PSME4: variants seen among roughly 807,000 people sequenced by gnomAD.
PSME4 encodes proteasome activator complex subunit 4.
In PSME4, 89 loss-of-function variants were observed where a neutral mutation model predicts 253.9. The ratio of observed to expected loss-of-function variants is 0.35; its 90% CI spans 0.30 to 0.42. PSME4 has a LOEUF of 0.42. Among genes scored for constraint, PSME4 ranks in the 10% least tolerant of loss-of-function variants. PSME4 has a pLI of 1.00. For synonymous variants in PSME4, 851 were observed against 759.2 expected, an observed-to-expected ratio of 1.12 and a Z score of -1.99; for missense variants, 2,014 against 2,195.2, an observed-to-expected ratio of 0.92 and a Z score of 1.65.
At chr2:53,900,067 T>C in intron 28 of PSME4, 50 bp from the exon 29 acceptor site, 1 of 1,504,386 alleles carries the variant, frequency 6.6e-7, no homozygotes, top group South Asian at 1.2e-5. Context: ...TGATGCATAC[T>C]ACCTGAACGA....
At chr2:53,886,703 A>G (rs564526500) in intron 40 of PSME4, among the ~76,000 whole-genome samples, 83 of 152,312 alleles carry the variant, frequency 5.4e-4, no homozygotes, top group African/African-American at 1.9e-3. Flanking sequence ...TTCTAGGTAC[A>G]TACCCTAAAG....
At chr2:53,946,452 C>T (rs956717668) in intron 3 of PSME4, among the ~76,000 whole-genome samples, 1 of 152,250 alleles carries the variant, frequency 6.6e-6, no homozygotes, top group Non-Finnish European at 1.5e-5. Context: ...CCAATCTCAT[C>T]TGAAATGGTG....
intron 10 of PSME4, 57 bp downstream of exon 10, chr2:53,931,778 G>A: frequency 6.4e-7 from 1 of 1,568,320 alleles, no homozygotes. Flanking sequence ...AGAGAATCGA[G>A]CTGAACAGAC....
At chr2:53,949,343 A>C (rs1260664049) in intron 1 of PSME4, 60 bp from the exon 2 acceptor site, 4 of 1,123,406 alleles carry the variant, frequency 3.6e-6, no homozygotes, top group Non-Finnish European at 4.9e-6. Context: ...TCCATGTTCA[A>C]TGCAGCATTA....
intron 20 of PSME4, among the ~76,000 whole-genome samples, chr2:53,913,581 G>C (rs1488498878): frequency 2.0e-5 from 3 of 152,036 alleles, no homozygotes; most frequent in Non-Finnish European, 2.9e-5. Context: ...GCCACTAATA[G>C]ATTTTTTCCC....
intron 3 of PSME4, 114 bp downstream of exon 3, chr2:53,948,307 C>A: frequency 5.6e-6 from 4 of 714,014 alleles, no homozygotes. Flanking sequence ...CAGAAATAGG[C>A]ACATTAAAAT....
intron 36 of PSME4, among the ~76,000 whole-genome samples, chr2:53,891,719 C>T (rs1022359257): frequency 6.6e-6 from 1 of 151,886 alleles, no homozygotes; most frequent in Non-Finnish European, 1.5e-5. Context: ...ATTAGCCTGA[C>T]AAGGTGGCGC....
At chr2:53,904,329 A>T (rs1196690018) in intron 26 of PSME4, among the ~76,000 whole-genome samples, 173 bp from the exon 27 acceptor site, 1 of 152,222 alleles carries the variant, frequency 6.6e-6, no homozygotes, top group East Asian at 1.9e-4. Context: ...CTTATATCAA[A>T]AGGAAAGCAC....
chr2:53,910,718 C>T (rs996815485), intron 20 of PSME4, among the ~76,000 whole-genome samples: 54 of 152,242 alleles, frequency 3.5e-4, no homozygotes, highest in African/African-American at 1.2e-3. Flanking sequence ...CCAGACCCAG[C>T]CAGTTAAATT....
chr2:53,898,043 A>G (rs1558662364), intron 30 of PSME4, 44 bp from the exon 31 acceptor site: 2 of 1,567,544 alleles, frequency 1.3e-6, no homozygotes, highest in Non-Finnish European at 1.7e-6. Flanking sequence ...ACATAAAACC[A>G]CTTGGAAAAA....
intron 16 of PSME4, 26 bp downstream of exon 16, chr2:53,923,023 G>C (rs1404460461): frequency 2.8e-6 from 4 of 1,447,958 alleles, no homozygotes. Flanking sequence ...AAATTGTAAA[G>C]AGAGAATAAT....
At chr2:53,963,040 T>C (rs1472062554) in intron 1 of PSME4, among the ~76,000 whole-genome samples, 1 of 149,040 alleles carries the variant, frequency 6.7e-6, no homozygotes, top group African/African-American at 2.5e-5. Flanking sequence ...ACATACCATA[T>C]GCAGTGGCTC....
chr2:53,868,600 A>T (rs1011229094), intron 44 of PSME4, among the ~76,000 whole-genome samples: 1 of 124,926 alleles, frequency 8.0e-6, no homozygotes, highest in Admixed American at 8.5e-5. Context: ...ATATATATAT[A>T]ATATATATAC....
At chr2:53,903,486 T>C (rs771562032) in intron 27 of PSME4, among the ~76,000 whole-genome samples, 1 of 152,196 alleles carries the variant, frequency 6.6e-6, no homozygotes, top group South Asian at 2.1e-4. Flanking sequence ...TACATCCCCA[T>C]AGGATGTAGT....
At chr2:53,883,182 A>G (rs1679476274) in intron 41 of PSME4, among the ~76,000 whole-genome samples, 1 of 152,178 alleles carries the variant, frequency 6.6e-6, no homozygotes, top group Non-Finnish European at 1.5e-5. Flanking sequence ...ATTTTCCACA[A>G]ACTTCAAAGT....
At chr2:53,936,644 G>C in intron 6 of PSME4, 120 bp downstream of exon 6, 1 of 656,060 alleles carries the variant, frequency 1.5e-6, no homozygotes, top group Non-Finnish European at 2.5e-6. Context: ...CCAATCCTAA[G>C]GAACTTCAAG....
rs776101070 is a variant in PSME4 at position 53,939,959 on chromosome 2, C to A, written c.542G>T (p.Arg181Leu). The A allele has an allele frequency of 2.5e-6, 4 of 1,596,450 alleles. No individual in the cohort carries two copies. Among genetic ancestry groups the A allele is most frequent in the African/African-American group, 1.3e-5 (1 of 74,502 alleles). The part of the protein sequence containing the change: ...NILKTLVKSC[R>L]PYFPADATAE... ...TATAAATTGAGAAGCTACTTACGGTCGGCAGCTTTTCACGAGTGTTTTGAG... is the reference window on the plus strand; with the variant it reads ...TATAAATTGAGAAGCTACTTACGGTAGGCAGCTTTTCACGAGTGTTTTGAG... Residue 181 changes from arginine (R) to leucine (L), a missense_variant, in exon 4 of 47, where the codon CGA (arginine) becomes CTA (leucine). By Grantham distance (102) the Arg-to-Leu change is moderately radical. This residue lies in a region of PSME4 where 615 missense variants were observed against 594.4 expected (regional missense o/e 1.03). Transcript: ENST00000404125.
chr2:53,961,934 A>AT (rs1344601453), intron 1 of PSME4, among the ~76,000 whole-genome samples: 2 of 152,182 alleles, frequency 1.3e-5, no homozygotes, highest in African/African-American at 4.8e-5. Context: ...ATTTGTCCCG[A>AT]TTGGCTAGCA....
At chr2:53,959,381 A>G (rs986802457) in intron 1 of PSME4, among the ~76,000 whole-genome samples, 2 of 151,832 alleles carry the variant, frequency 1.3e-5, no homozygotes, top group East Asian at 1.9e-4. Flanking sequence ...AAGAGGGGGG[A>G]AAAAAAGCTG....
Sources: allele counts gnomAD v4.1 joint callset (sites outside exome capture counted in the v4.1 genomes callset), GRCh38; gene constraint gnomAD v4.1.1; regional missense constraint gnomAD v4.1.1; transcripts MANE v1.5; gene names NCBI Gene and HGNC (gene_info 2026-07-23, HGNC 2026-07-21).